EVI5L: variants seen among roughly 807,000 people sequenced by gnomAD.
EVI5L encodes EVI5-like protein.
Under a neutral mutation model 106.1 loss-of-function variants are expected in EVI5L, and 30 were observed. That is an observed-to-expected ratio of 0.28 (90% CI 0.21 to 0.38). The LOEUF (loss-of-function observed/expected upper bound fraction) is 0.38, where lower values mean the gene tolerates loss of function less well. Among genes scored for constraint, EVI5L ranks in the 10% least tolerant of loss-of-function variants. The pLI is 1.00. For missense variants in EVI5L, 809 were observed against 1,098.0 expected, an observed-to-expected ratio of 0.74 and a Z score of 3.72; for synonymous variants, 489 against 483.3, an observed-to-expected ratio of 1.01 and a Z score of -0.15.
chr19:7,852,807 G>T (rs1415462092), intron 8 of EVI5L: 3 of 407,352 alleles, frequency 7.4e-6, no homozygotes, highest in Admixed American at 4.1e-5. Context: ...CCCACCTCAG[G>T]CTTTTAAATC....
At chr19:7,853,370 G>C in intron 10 of EVI5L, 37 bp downstream of exon 10, 1 of 1,588,846 alleles carries the variant, frequency 6.3e-7, no homozygotes, top group Non-Finnish European at 8.6e-7. Flanking sequence ...ACAGGGATGG[G>C]AGGCCTTTGG....
chr19:7,857,227 A>G lies in EVI5L; in HGVS notation c.1233+103A>G. On this transcript the variant is annotated intron_variant, in intron 12 of 19. Coordinates refer to ENST00000538904, the MANE Select transcript of EVI5L (RefSeq NM_001159944.3). The surrounding 1 kb of genome is among the most constrained non-coding windows in gnomAD (Gnocchi z 4.5). ...GCCTCTTCCCTGCCATTCTGCGGGC[A>G]GGCCTGGCGCCATGCATGGAGCAGC... The G allele has an allele frequency of 6.8e-7, 1 of 1,478,968 alleles. No individual in the cohort carries two copies. The highest frequency in any genetic ancestry group is 9.2e-7 in the Non-Finnish European group (1 of 1,082,828). 91.6% of individuals were successfully genotyped at this position (1,478,968 alleles called of 1,614,324 possible).
At chr19:7,853,487 T>A (rs1166870076) in intron 10 of EVI5L, 154 bp downstream of exon 10, 1 of 1,008,938 alleles carries the variant, frequency 9.9e-7, no homozygotes, top group Non-Finnish European at 1.5e-6. Context: ...ACCTGCGCCG[T>A]CCTTCACCTG....
At chr19:7,843,872 G>A (rs538972363) in intron 1 of EVI5L, among the ~76,000 whole-genome samples, 5 of 152,138 alleles carry the variant, frequency 3.3e-5, no homozygotes, top group African/African-American at 1.2e-4. Context: ...CACTGAGAGA[G>A]TCTGGGGATG....
intron 1 of EVI5L, among the ~76,000 whole-genome samples, chr19:7,831,245 A>ACGCG (rs754352974): frequency 6.9e-6 from 1 of 144,680 alleles, no homozygotes; most frequent in Non-Finnish European, 1.5e-5. Flanking sequence ...ACACACACAC[A>ACGCG]CACACACACA....
In EVI5L at chr19:7,858,328, G is replaced by T; in HGVS notation, c.1371G>T (p.Gln457His). ...GCACCATCCGGCAGCTACAGGAGCAGCAGGTAGGGGCGGGTGTGCGGGGCT... is the reference window on the plus strand; with the variant it reads ...GCACCATCCGGCAGCTACAGGAGCATCAGGTAGGGGCGGGTGTGCGGGGCT... ...AQSTIRQLQEQQENPRLTEDF... is the reference protein window; with the variant it reads ...AQSTIRQLQEHQENPRLTEDF... The change falls in exon 13 of 20, where the codon CAG becomes CAT. Residue 457 changes from glutamine (Q) to histidine (H), a missense_variant. By Grantham distance (24) the Gln-to-His change is conservative. This residue lies in a region of EVI5L where 452 missense variants were observed against 509.9 expected (regional missense o/e 0.89). Coordinates refer to ENST00000538904, the MANE Select transcript of EVI5L (RefSeq NM_001159944.3). The surrounding 1 kb of genome is among the most constrained non-coding windows in gnomAD (Gnocchi z 5.7). 1 of 1,545,412 alleles carries T rather than the reference G, an allele frequency of 6.5e-7. No homozygotes were observed.
chr19:7,853,883 T>G (rs1232903925), intron 10 of EVI5L, among the ~76,000 whole-genome samples: 2 of 152,220 alleles, frequency 1.3e-5, no homozygotes, highest in East Asian at 3.9e-4. Context: ...CTGGGGCAAC[T>G]GGCCCACCAG....
At chr19:7,832,121 G>T (rs73923915) in intron 1 of EVI5L, among the ~76,000 whole-genome samples, 2 of 152,066 alleles carry the variant, frequency 1.3e-5, no homozygotes, top group African/African-American at 4.8e-5. Context: ...CCATCCCGCC[G>T]CCCTCCCCAC....
chr19:7,849,916 T>C, intron 5 of EVI5L, 81 bp from the exon 6 acceptor site: 1 of 1,184,326 alleles, frequency 8.4e-7, no homozygotes, highest in Non-Finnish European at 1.2e-6. Flanking sequence ...TGGGCCCCTG[T>C]ACCCCAGGGC....
chr19:7,842,399 TGA>T (rs577895117), intron 1 of EVI5L, among the ~76,000 whole-genome samples: 250 of 23,264 alleles, frequency 0.011, no homozygotes, highest in African/African-American at 0.021. Flanking sequence ...TGTGAGAATG[TGA>T]GTGTGTGTGT....
chr19:7,849,189 G>T, intron 4 of EVI5L, 44 bp downstream of exon 4: 1 of 1,612,772 alleles, frequency 6.2e-7, no homozygotes, highest in Non-Finnish European at 8.5e-7. Flanking sequence ...AAAGGAAGGA[G>T]AAGTTCCCCA....
intron 5 of EVI5L, 76 bp from the exon 6 acceptor site, chr19:7,849,921 C>T (rs1013129536): frequency 7.9e-7 from 1 of 1,262,062 alleles, no homozygotes; most frequent in Admixed American, 2.0e-5. Context: ...CCCTGTACCC[C>T]AGGGCCCTGA....
chr19:7,843,485 A>AG (rs1599564723), intron 1 of EVI5L, among the ~76,000 whole-genome samples: 2 of 99,016 alleles, frequency 2.0e-5, no homozygotes, highest in African/African-American at 4.0e-5. Context: ...TGGGTGTGTC[A>AG]AGTGTGCATG....
Position 7,858,201 on chromosome 19 carries a change from C to T in EVI5L, c.1244C>T (p.Thr415Ile). The T allele has an allele frequency of 1.3e-6, 2 of 1,563,576 alleles. No homozygotes were observed. The highest frequency in any genetic ancestry group is 1.7e-6 in the Non-Finnish European group (2 of 1,154,214). The change falls in exon 13 of 20, where the codon ACA (threonine) becomes ATA (isoleucine). Residue 415 changes from threonine to isoleucine, a missense_variant. This residue lies in a region of EVI5L where 357 missense variants were observed against 588.1 expected (regional missense o/e 0.61). Coordinates refer to ENST00000538904, the MANE Select transcript of EVI5L (RefSeq NM_001159944.3). This position sits in a 1 kb window ranked among gnomAD's most constrained non-coding sequence, Gnocchi z 5.7. The stretch of plus-strand genomic sequence containing the variant: ...CCTCGCTGTTCTCAGGGGCAAGTGA[C>T]ACGGGCGCAGGAGGCGGAGGAGAAC... ...LADRLIQGQV[T>I]RAQEAEENYV...
At position 7,857,787 on chromosome 19, in the gene EVI5L, G is replaced by GCCA. The variant is rs1568243130; in HGVS notation, c.1234-404_1234-403insCCA. 1.1e-5 allele frequency: 2 copies of GCCA among 188,740 alleles called. No individual in the cohort carries two copies. Among genetic ancestry groups the GCCA allele is most frequent in the African/African-American group, 4.8e-5 (2 of 41,286 alleles). The allele number at this position is 188,740 out of a possible 1,614,324, so 11.7% of individuals were successfully genotyped here. ...TGCCGCTGGGAGAGGTGAATGCCCT[G>GCCA]GGGAGCCCAGCCCTCTCCTGCCGGG... On this transcript the variant is annotated intron_variant, in intron 12 of 19. Transcript: ENST00000538904. This position sits in a 1 kb window ranked among gnomAD's most constrained non-coding sequence, Gnocchi z 4.5.
At chr19:7,852,357 G>T (rs1300497354) in intron 8 of EVI5L, among the ~76,000 whole-genome samples, 1 of 152,174 alleles carries the variant, frequency 6.6e-6, no homozygotes, top group Non-Finnish European at 1.5e-5. Context: ...ATTGTCCACA[G>T]CTACCAGAGG....
Position 7,849,383 on chromosome 19 carries a change from C to T in EVI5L, c.627+53C>T, listed in dbSNP as rs1404019734. The T allele has an allele frequency of 3.8e-6, 6 of 1,596,670 alleles. No homozygotes were observed. The African/African-American group carries it at 8.0e-5, about 21-fold the overall frequency. Reference sequence around the variant, plus strand: ...CTGCCAGACAACAGCCCACCCTGGGCTCGGCCCCCAAGAGATGGACAGAAG... The same window carrying T: ...CTGCCAGACAACAGCCCACCCTGGGTTCGGCCCCCAAGAGATGGACAGAAG... On this transcript the variant is annotated intron_variant, in intron 5 of 19. Transcript: ENST00000538904.
In EVI5L at chr19:7,851,396, C is replaced by T. The variant is rs201646050; in HGVS notation, c.754-38C>T. The T allele has an allele frequency of 2.5e-4, 404 of 1,590,708 alleles. 1 individual carries two copies. Among genetic ancestry groups the T allele is most frequent in the Middle Eastern group, 3.3e-4 (2 of 5,978 alleles). ...CCAGCACCCCCCGGTGGGAGGGCGT[C>T]CCCCTCACTGTGCCCACCCGGCCTC... On this transcript the variant is annotated intron_variant, in intron 6 of 19. Coordinates refer to ENST00000538904, the MANE Select transcript of EVI5L (RefSeq NM_001159944.3).
Position 7,863,764 on chromosome 19 carries a change from G to T in EVI5L, c.*62G>T. ...GCCGCGGGGGGCGCCCGGGCAGTCC[G>T]CGTTCTGCTCCCCACCTGCCGCACT... is the stretch of plus-strand genomic sequence containing the variant. On this transcript the variant is annotated 3_prime_UTR_variant, in exon 20 of 20. Coordinates refer to ENST00000538904, the MANE Select transcript of EVI5L (RefSeq NM_001159944.3). The surrounding 1 kb of genome is among the most constrained non-coding windows in gnomAD (Gnocchi z 7.7). 1 of 1,421,562 alleles carries T rather than the reference G, an allele frequency of 7.0e-7. No individual in the cohort carries two copies. Among genetic ancestry groups the T allele is most frequent in the South Asian group, 1.5e-5 (1 of 65,996 alleles). The allele number at this position is 1,421,562 out of a possible 1,614,324, so 88.1% of individuals were successfully genotyped here.
Sources: allele counts gnomAD v4.1 joint callset (sites outside exome capture counted in the v4.1 genomes callset), GRCh38; gene constraint gnomAD v4.1.1; regional missense constraint gnomAD v4.1.1; non-coding constraint Gnocchi (gnomAD v3.1); transcripts MANE v1.5; gene names NCBI Gene and HGNC (gene_info 2026-07-23, HGNC 2026-07-21).